The following MOB3B variants were observed in gnomAD, a reference collection of about 807,000 sequenced individuals.
MOB3B encodes the protein MOB kinase activator 3B, also known as MOB kinase activator-like 2B.
In MOB3B, 7 loss-of-function variants were observed where a neutral mutation model predicts 18.7. The ratio of observed to expected loss-of-function variants is 0.37; its 90% confidence interval spans 0.21 to 0.70. The LOEUF (loss-of-function observed/expected upper bound fraction) is 0.70. Ranked by LOEUF, MOB3B falls within the 30% of genes least tolerant of loss-of-function variation. The pLI, the probability that MOB3B is intolerant of heterozygous loss-of-function variation, is 0.52. For missense variants in MOB3B, 253 were observed against 281.3 expected (o/e 0.90, Z 0.72); for synonymous variants, 111 against 99.9 (o/e 1.11, Z -0.66).
At position 27,529,795 on chromosome 9, in the gene MOB3B, C is replaced by T. The variant is rs768282380; in HGVS notation, c.-439G>A. 6.7e-4 allele frequency: 662 copies of T among 985,264 alleles called. 1 individual carries two copies. The highest frequency in any genetic ancestry group is 7.8e-4 in the Non-Finnish European group (649 of 829,936). 61.0% of individuals were successfully genotyped at this position (985,264 alleles called of 1,614,324 possible). A position where few individuals can be genotyped will look rare whatever the true frequency, so the allele number is the denominator to read the frequency against. Reference sequence around the variant, plus strand: ...CCCCTCATGCACCCAGCGCGCCGCGCAGCCGGCCGGGGCTCGACTGTCTCG... The same window carrying T: ...CCCCTCATGCACCCAGCGCGCCGCGTAGCCGGCCGGGGCTCGACTGTCTCG... On this transcript the variant is annotated 5_prime_UTR_variant, in exon 1 of 4. Coordinates refer to ENST00000262244, the MANE Select transcript of MOB3B (RefSeq NM_024761.5).
chr9:27,522,019 G>A (rs1169017384), intron 1 of MOB3B, among the ~76,000 whole-genome samples: 2 of 151,832 alleles, frequency 1.3e-5, no homozygotes, highest in East Asian at 3.9e-4. Context: ...GAGGCGGTCG[G>A]ATCATGAGGT....
chr9:27,365,439 C>T (rs1205526384), intron 2 of MOB3B, among the ~76,000 whole-genome samples: 4 of 139,678 alleles, frequency 2.9e-5, no homozygotes, highest in Non-Finnish European at 6.1e-5. Context: ...TGCCAGACAA[C>T]ATTAACCAGC....
At chr9:27,382,513 G>A (rs907053013) in intron 2 of MOB3B, among the ~76,000 whole-genome samples, 10 of 152,058 alleles carry the variant, frequency 6.6e-5, no homozygotes, top group Non-Finnish European at 7.4e-5. Flanking sequence ...GGCTGAGGGT[G>A]GAAAAATGCA....
chr9:27,523,050 A>T (rs1011153457), intron 1 of MOB3B, among the ~76,000 whole-genome samples: 18 of 152,170 alleles, frequency 1.2e-4, no homozygotes, highest in African/African-American at 4.1e-4. Flanking sequence ...TTTTCAATCA[A>T]AGTCTGCCAT....
chr9:27,520,493 C>G (rs954237756), intron 1 of MOB3B, among the ~76,000 whole-genome samples: 2 of 152,164 alleles, frequency 1.3e-5, no homozygotes, highest in African/African-American at 4.8e-5. Context: ...TTTCAATTTT[C>G]TGATTATATT....
At chr9:27,397,869 T>G (rs1284086601) in intron 2 of MOB3B, among the ~76,000 whole-genome samples, 3 of 152,170 alleles carry the variant, frequency 2.0e-5, no homozygotes, top group Admixed American at 6.5e-5. Flanking sequence ...TGTGAGAGAT[T>G]GTCCCATACA....
At chr9:27,365,890 C>A (rs938583508) in intron 2 of MOB3B, among the ~76,000 whole-genome samples, 1 of 152,194 alleles carries the variant, frequency 6.6e-6, no homozygotes, top group Non-Finnish European at 1.5e-5. Flanking sequence ...ACAGGGCCAG[C>A]TGAGCTCAAG....
intron 2 of MOB3B, among the ~76,000 whole-genome samples, chr9:27,361,874 A>G (rs7849799): frequency 0.18 from 26,969 of 152,020 alleles, 4,074 homozygotes; most frequent in African/African-American, 0.41. Flanking sequence ...GTGTGCTCCC[A>G]CTTCTCCTCC....
At chr9:27,392,619 T>C (rs1396549733) in intron 2 of MOB3B, among the ~76,000 whole-genome samples, 1 of 152,144 alleles carries the variant, frequency 6.6e-6, no homozygotes, top group African/African-American at 2.4e-5. Flanking sequence ...CATGAACAAC[T>C]GTAGGAATAA....
chr9:27,519,043 A>T (rs2131506213), intron 1 of MOB3B, among the ~76,000 whole-genome samples: 1 of 152,298 alleles, frequency 6.6e-6, no homozygotes, highest in South Asian at 2.1e-4. Flanking sequence ...TCCCAAGGAG[A>T]ATGCACCAGA....
chr9:27,520,445 A>C (rs1483641917), intron 1 of MOB3B, among the ~76,000 whole-genome samples: 1 of 152,228 alleles, frequency 6.6e-6, no homozygotes, highest in Non-Finnish European at 1.5e-5. Context: ...ATGCCAGACG[A>C]ATTTAGGAGT....
intron 1 of MOB3B, among the ~76,000 whole-genome samples, chr9:27,503,643 G>A (rs760772047): frequency 5.3e-5 from 8 of 152,224 alleles, no homozygotes; most frequent in Non-Finnish European, 1.2e-4. Context: ...GCTGTCCAGT[G>A]GCACCAGAAT....
At chr9:27,393,998 T>A (rs1430312039) in intron 2 of MOB3B, 1 of 152,212 alleles carries the variant, frequency 6.6e-6, no homozygotes, top group East Asian at 1.9e-4. Context: ...GATGACCAGC[T>A]TTGGCTCATA....
At chr9:27,476,067 C>T (rs1449041937) in intron 1 of MOB3B, among the ~76,000 whole-genome samples, 1 of 152,242 alleles carries the variant, frequency 6.6e-6, no homozygotes, top group Non-Finnish European at 1.5e-5. Flanking sequence ...ATCTACAGAT[C>T]TGGCCCCTGG....
chr9:27,341,416 A>T (rs568994254), intron 3 of MOB3B, among the ~76,000 whole-genome samples: 4 of 152,138 alleles, frequency 2.6e-5, no homozygotes, highest in Non-Finnish European at 4.4e-5. Flanking sequence ...TAAGACCTCT[A>T]TTGTGTGTCT....
At chr9:27,526,475 G>C (rs1820439457) in intron 1 of MOB3B, 1 of 152,160 alleles carries the variant, frequency 6.6e-6, no homozygotes, top group Admixed American at 6.5e-5. Context: ...CTCTAATAAA[G>C]TCTTTGCCTG....
At chr9:27,527,935 C>A (rs1820460938) in intron 1 of MOB3B, among the ~76,000 whole-genome samples, 1 of 152,198 alleles carries the variant, frequency 6.6e-6, no homozygotes, top group Non-Finnish European at 1.5e-5. Flanking sequence ...CGCCTGCAAC[C>A]CAACAAGCGC....
At chr9:27,360,532 C>T (rs1821260107) in intron 2 of MOB3B, among the ~76,000 whole-genome samples, 1 of 152,114 alleles carries the variant, frequency 6.6e-6, no homozygotes, top group African/African-American at 2.4e-5. Flanking sequence ...AAACCAACAA[C>T]AACAAAAGAA....
At chr9:27,426,357 T>G (rs996991642) in intron 2 of MOB3B, among the ~76,000 whole-genome samples, 3 of 152,228 alleles carry the variant, frequency 2.0e-5, no homozygotes, top group Non-Finnish European at 1.5e-5. Context: ...TTGCTTGGCA[T>G]GAGCAGAACA....
Sources: allele counts gnomAD v4.1 joint callset (sites outside exome capture counted in the v4.1 genomes callset), GRCh38; gene constraint gnomAD v4.1.1; transcripts MANE v1.5; gene names NCBI Gene and HGNC (gene_info 2026-07-23, HGNC 2026-07-21).